IKBKB-DT: variants seen among roughly 807,000 people sequenced by gnomAD.
IKBKB-DT encodes IKBKB antisense RNA.
chr8:42,240,974 C>CA (rs1002836742), intron 3 of IKBKB-DT, among the ~76,000 whole-genome samples: 7 of 147,256 alleles, frequency 4.8e-5, no homozygotes, highest in Admixed American at 6.7e-5. Context: ...GACTCCGTCT[C>CA]AAAAAAAAAA....
At chr8:42,240,050 T>G (rs1806980122) in intron 3 of IKBKB-DT, among the ~76,000 whole-genome samples, 1 of 152,190 alleles carries the variant, frequency 6.6e-6, no homozygotes, top group African/African-American at 2.4e-5. Flanking sequence ...AAACTGATTT[T>G]TACATTCCCA....
chr8:42,241,224 C>CTTTTTTTTTTTTTTTT lies in IKBKB-DT; in HGVS notation n.1530-7381_1530-7366dup, dbSNP rs773177896. On this transcript the variant is annotated intron_variant and non_coding_transcript_variant, in intron 3 of 3. Transcript: ENST00000518213. ...TTGATGCCTTTAGATATGTTGGAAT[C>CTTTTTTTTTTTTTTTT]TTTTTTTTTTTTTTTTTTTTTTTTT... is the stretch of plus-strand genomic sequence containing the variant. Among the ~76,000 whole-genome samples, 22 of 45,694 alleles carry CTTTTTTTTTTTTTTTT rather than the reference C, an allele frequency of 4.8e-4. 6 individuals carry two copies. Among genetic ancestry groups the CTTTTTTTTTTTTTTTT allele is most frequent in the Non-Finnish European group, 5.4e-4 (12 of 22,100 alleles). 30.0% of individuals were successfully genotyped at this position (45,694 alleles called of 152,430 possible).
At chr8:42,240,703 A>G (rs1806990695) in intron 3 of IKBKB-DT, among the ~76,000 whole-genome samples, 1 of 149,882 alleles carries the variant, frequency 6.7e-6, no homozygotes. Context: ...TGGGCCAGAC[A>G]CTGTGGCTCA....
rs142923019 is a variant in IKBKB-DT at position 42,244,154 on chromosome 8, C to T, written n.1530-10295G>A. On this transcript the variant is annotated intron_variant and non_coding_transcript_variant, in intron 3 of 3. Transcript: ENST00000518213. ...TCCTTATTTTATTTGGAAGTTTTGC[C>T]ATGCTTTGAGGTCATCCACCCAAAA... is the stretch of plus-strand genomic sequence containing the variant. Among the ~76,000 whole-genome samples the T allele has an allele frequency of 5.7e-3, 863 of 152,220 alleles. 4 individuals are homozygous for T. Among genetic ancestry groups the T allele is most frequent in the African/African-American group, 0.019 (788 of 41,516 alleles).
At chr8:42,241,844 A>G (rs1166341474) in intron 3 of IKBKB-DT, among the ~76,000 whole-genome samples, 1 of 152,158 alleles carries the variant, frequency 6.6e-6, no homozygotes, top group Non-Finnish European at 1.5e-5. Context: ...TTAGTATGGA[A>G]CTCAAGCTTC....
chr8:42,269,451 G>GAGGGC (rs1349845080), intron 1 of IKBKB-DT, among the ~76,000 whole-genome samples: 1 of 8,866 alleles, frequency 1.1e-4, no homozygotes, highest in Non-Finnish European at 4.6e-4. Flanking sequence ...GAGGGGAGGG[G>GAGGGC]AGGGGAGGGG....
At chr8:42,262,426 T>TTTTATTTATTTATTTATTTATTTA (rs57144579) in intron 3 of IKBKB-DT, among the ~76,000 whole-genome samples, 8 of 144,284 alleles carry the variant, frequency 5.5e-5, no homozygotes, top group South Asian at 2.1e-4. Flanking sequence ...TACCACATTC[T>TTTTATTTATTTATTTATTTATTTA]TTTATTTATT....
chr8:42,269,803 T>C (rs1299803530), intron 1 of IKBKB-DT, among the ~76,000 whole-genome samples: 2 of 152,074 alleles, frequency 1.3e-5, no homozygotes, highest in African/African-American at 4.8e-5. Context: ...CTGCTATCAA[T>C]ACCTCATTTG....
rs969449127 is a variant in IKBKB-DT at position 42,246,219 on chromosome 8, G to A, written n.1530-12360C>T. Among the ~76,000 whole-genome samples the A allele has an allele frequency of 3.3e-5, 5 of 152,070 alleles. No homozygotes were observed. In the East Asian group the frequency reaches 9.7e-4, roughly 29 times the overall value. On this transcript the variant is annotated intron_variant and non_coding_transcript_variant, in intron 3 of 3. Coordinates refer to ENST00000518213, the Ensembl canonical transcript of IKBKB-DT. ...GCCGGGCTAATTTTTGTAGAGTCAG[G>A]GTCTCACTATGTTGTCCAGGGTGGT...
At chr8:42,241,047 T>C (rs1371630732) in intron 3 of IKBKB-DT, among the ~76,000 whole-genome samples, 1 of 152,180 alleles carries the variant, frequency 6.6e-6, no homozygotes, top group Non-Finnish European at 1.5e-5. Context: ...CCTTCTTTTC[T>C]GTCTGGCTGT....
chr8:42,253,097 T>C (rs778584452), intron 3 of IKBKB-DT, among the ~76,000 whole-genome samples: 1 of 152,182 alleles, frequency 6.6e-6, no homozygotes, highest in Non-Finnish European at 1.5e-5. Context: ...AAGATCTGAA[T>C]AGGAAAATTT....
At chr8:42,249,219 A>C (rs1041205907) in intron 3 of IKBKB-DT, 8 of 151,948 alleles carry the variant, frequency 5.3e-5, no homozygotes, top group Non-Finnish European at 7.4e-5. Flanking sequence ...AAACTGAAAA[A>C]TTGGCCAGGT....
chr8:42,242,745 G>C (rs985597616), intron 3 of IKBKB-DT, among the ~76,000 whole-genome samples: 7 of 152,210 alleles, frequency 4.6e-5, no homozygotes, highest in Non-Finnish European at 8.8e-5. Flanking sequence ...ATGCTGAGAA[G>C]TCACTGCTGG....
At chr8:42,256,980 A>G (rs1807211042) in intron 3 of IKBKB-DT, among the ~76,000 whole-genome samples, 1 of 152,230 alleles carries the variant, frequency 6.6e-6, no homozygotes, top group Non-Finnish European at 1.5e-5. Context: ...TGGTTAAAGG[A>G]TGAGAATTAA....
At chr8:42,263,761 A>T (rs1242425809) in intron 2 of IKBKB-DT, among the ~76,000 whole-genome samples, 1 of 152,206 alleles carries the variant, frequency 6.6e-6, no homozygotes, top group Non-Finnish European at 1.5e-5. Flanking sequence ...TTAGAGCCAC[A>T]CTTCTTTTCC....
chr8:42,264,448 G>A (rs1199776156), intron 2 of IKBKB-DT, among the ~76,000 whole-genome samples: 1 of 152,146 alleles, frequency 6.6e-6, no homozygotes, highest in Non-Finnish European at 1.5e-5. Flanking sequence ...GACCCACTAC[G>A]CCTGGCAAGA....
chr8:42,242,792 C>T (rs972985792), intron 3 of IKBKB-DT, among the ~76,000 whole-genome samples: 23 of 152,312 alleles, frequency 1.5e-4, no homozygotes, highest in Admixed American at 1.2e-3. Context: ...TGATGCTCTA[C>T]AGGGAGCTGA....
At chr8:42,254,836 C>G (rs532620918) in intron 3 of IKBKB-DT, among the ~76,000 whole-genome samples, 132 of 151,378 alleles carry the variant, frequency 8.7e-4, no homozygotes, top group African/African-American at 3.1e-3. Flanking sequence ...AGGTGCCCCT[C>G]TGCCCGGCCG....
intron 3 of IKBKB-DT, among the ~76,000 whole-genome samples, chr8:42,262,423 T>G (rs566705659): frequency 2.0e-5 from 3 of 149,336 alleles, no homozygotes; most frequent in South Asian, 4.2e-4. Flanking sequence ...AACTACCACA[T>G]TCTTTTATTT....
Sources: allele counts gnomAD v4.1 joint callset (sites outside exome capture counted in the v4.1 genomes callset), GRCh38; gene constraint gnomAD v4.1.1; transcripts MANE v1.5; gene names NCBI Gene and HGNC (gene_info 2026-07-23, HGNC 2026-07-21).